The following AASDH variants were observed in gnomAD, a reference collection of about 807,000 sequenced individuals.
AASDH encodes the protein aminoadipate-semialdehyde dehydrogenase, also known as beta-alanine-activating enzyme.
In AASDH, 81 loss-of-function variants were observed where a neutral mutation model predicts 102.3. The ratio of observed to expected loss-of-function variants is 0.79; its 90% CI spans 0.66 to 0.95. The LOEUF is 0.95. Among genes scored for constraint, AASDH ranks in the 40% least tolerant of loss-of-function variants. The pLI, the probability that AASDH is intolerant of heterozygous loss-of-function variation, is 0.00. For synonymous variants in AASDH, 398 were observed against 454.0 expected (o/e 0.88, Z 1.57); for missense variants, 1,203 against 1,266.2 (o/e 0.95, Z 0.76).
At chr4:56,379,156 G>A (rs905487591) in intron 3 of AASDH, among the ~76,000 whole-genome samples, 1 of 152,066 alleles carries the variant, frequency 6.6e-6, no homozygotes, top group African/African-American at 2.4e-5. Flanking sequence ...CAAAGTGCTG[G>A]GATTACAGGC....
intron 5 of AASDH, among the ~76,000 whole-genome samples, chr4:56,362,690 T>A (rs1750451886): frequency 1.3e-5 from 2 of 152,138 alleles, no homozygotes; most frequent in East Asian, 1.9e-4. Context: ...AAAGCAAAAA[T>A]CCTTGATGAC....
chr4:56,382,445 A>T (rs1190164354), intron 3 of AASDH, 32 bp downstream of exon 3: 4 of 1,505,428 alleles, frequency 2.7e-6, no homozygotes. Flanking sequence ...AATGTAATAC[A>T]GGCAAAAAAC....
intron 14 of AASDH, among the ~76,000 whole-genome samples, chr4:56,339,967 G>A (rs974928648): frequency 3.3e-5 from 5 of 150,084 alleles, no homozygotes; most frequent in African/African-American, 4.9e-5. Flanking sequence ...TCAGGAGTTC[G>A]AGACCAGCCT....
At chr4:56,350,842 C>G (rs940370110) in intron 10 of AASDH, among the ~76,000 whole-genome samples, 2 of 151,986 alleles carry the variant, frequency 1.3e-5, no homozygotes, top group Non-Finnish European at 2.9e-5. Flanking sequence ...TTTTCAGAAC[C>G]CTTTAAAAAA....
At chr4:56,360,211 A>G (rs1009769847) in intron 5 of AASDH, among the ~76,000 whole-genome samples, 1 of 152,134 alleles carries the variant, frequency 6.6e-6, no homozygotes, top group Non-Finnish European at 1.5e-5. Flanking sequence ...ACACAGCCTC[A>G]GGTTCAGTCA....
intron 5 of AASDH, among the ~76,000 whole-genome samples, chr4:56,366,097 T>G (rs1193105262): frequency 2.0e-5 from 3 of 152,116 alleles, no homozygotes; most frequent in African/African-American, 7.2e-5. Context: ...AACACCTCTA[T>G]GCAAATAAAC....
At chr4:56,354,654 C>T in intron 7 of AASDH, 51 bp downstream of exon 7, 1 of 1,301,726 alleles carries the variant, frequency 7.7e-7, no homozygotes, top group African/African-American at 1.5e-5. Flanking sequence ...ATTAACACAT[C>T]AGATCATTTT....
At chr4:56,361,322 T>C (rs1358822423) in intron 5 of AASDH, among the ~76,000 whole-genome samples, 1 of 151,950 alleles carries the variant, frequency 6.6e-6, no homozygotes. Context: ...GGCATGAGAA[T>C]CACTTGAACC....
chr4:56,351,712 G>A (rs1436790780), intron 9 of AASDH, among the ~76,000 whole-genome samples: 12 of 151,874 alleles, frequency 7.9e-5, no homozygotes, highest in East Asian at 1.9e-4. Context: ...TGGGAGGATC[G>A]CTTGAGGCTA....
chr4:56,374,117 C>T (rs1052080827), intron 4 of AASDH, among the ~76,000 whole-genome samples: 4 of 152,054 alleles, frequency 2.6e-5, no homozygotes, highest in South Asian at 4.2e-4. Flanking sequence ...CGGTGGCTCA[C>T]GCTTGTAATC....
intron 14 of AASDH, among the ~76,000 whole-genome samples, chr4:56,339,621 C>T (rs866542186): frequency 2.2e-4 from 33 of 151,066 alleles, no homozygotes; most frequent in Middle Eastern, 7.0e-3. Context: ...TGTGGTGGCA[C>T]ACACCTACAG....
rs1318316507 is a variant in AASDH at position 56,338,448 on chromosome 4, T to G, written c.3251A>C (p.Asp1084Ala). The change falls in exon 15 of 15, where the codon GAT becomes GCT. Residue 1084 changes from aspartate to alanine, a missense_variant. By Grantham distance (126) the Asp-to-Ala change is moderately radical. Coordinates refer to ENST00000205214, the MANE Select transcript of AASDH (RefSeq NM_181806.4). ...TAAATCCAGACAATAAACATAATTA[T>G]CTCTACACCCAATAATGAGCATTGA... Reference protein sequence around the residue: ...LESMLIIGCRDNYVYCLDLLG... With the variant: ...LESMLIIGCRANYVYCLDLLG... 1.2e-6 allele frequency: 2 copies of G among 1,613,908 alleles called. No homozygotes were observed. Among genetic ancestry groups the G allele is most frequent in the African/African-American group, 1.3e-5 (1 of 74,904 alleles).
At chr4:56,382,974 T>C (rs548619285) in intron 2 of AASDH, among the ~76,000 whole-genome samples, 116 of 152,330 alleles carry the variant, frequency 7.6e-4, no homozygotes, top group African/African-American at 2.7e-3. Flanking sequence ...GGAGAATTGC[T>C]TGAACCCGGG....
Position 56,354,714 on chromosome 4 carries a change from C to T in AASDH, c.1201G>A (p.Val401Ile). 2 of 1,593,962 alleles carry T rather than the reference C, an allele frequency of 1.3e-6. No homozygotes were observed. The highest frequency in any genetic ancestry group is 1.7e-6 in the Non-Finnish European group (2 of 1,171,902). Reference sequence around the variant, plus strand: ...ACAAATATAAAACAACCTAAAAATACTTGGCCACTGCCTTCCTGAATTGTG... The same window carrying T: ...ACAAATATAAAACAACCTAAAAATATTTGGCCACTGCCTTCCTGAATTGTG... ...GFTIQEGSGQ[V>I]FLGGRNRVCF... The change falls in exon 7 of 15, where the codon GTA becomes ATA. Residue 401 changes from valine to isoleucine, a missense_variant. Transcript: ENST00000205214.
chr4:56,344,729 T>C (rs1207068605), intron 12 of AASDH, among the ~76,000 whole-genome samples: 1 of 152,094 alleles, frequency 6.6e-6, no homozygotes. Flanking sequence ...AGCACACTTA[T>C]TTGTGGTAAA....
At chr4:56,369,487 G>A (rs1751441390) in intron 5 of AASDH, among the ~76,000 whole-genome samples, 1 of 152,056 alleles carries the variant, frequency 6.6e-6, no homozygotes, top group South Asian at 2.1e-4. Context: ...TGCTACACTC[G>A]GTTCATATAT....
chr4:56,358,817 T>TA (rs1749931232), intron 5 of AASDH, among the ~76,000 whole-genome samples: 2 of 152,172 alleles, frequency 1.3e-5, no homozygotes, highest in South Asian at 4.1e-4. Context: ...GAGTGTTCCA[T>TA]ATATGGCATT....
Position 56,384,164 on chromosome 4 carries a change from A to G in AASDH, c.136T>C (p.Ser46Pro), listed in dbSNP as rs1365576577. 2 of 1,614,188 alleles carry G rather than the reference A, an allele frequency of 1.2e-6. No individual in the cohort carries two copies. Among genetic ancestry groups the G allele is most frequent in the South Asian group, 1.1e-5 (1 of 91,084 alleles). The change falls in exon 2 of 15, where the codon TCA (serine) becomes CCA (proline). Residue 46 changes from serine (S) to proline (P), a missense_variant. By Grantham distance (74) the Ser-to-Pro change is moderately conservative (BLOSUM62 -1). Coordinates refer to ENST00000205214, the MANE Select transcript of AASDH (RefSeq NM_181806.4). ...TCACAGTGTAACAGCAGAAAATTTG[A>G]TAATTCAGAAGCAGCATTAACCACA... ...KTVVNAASEL[S>P]NFLLLHCDFQ...
At chr4:56,364,574 A>G (rs1750752239) in intron 5 of AASDH, among the ~76,000 whole-genome samples, 1 of 152,240 alleles carries the variant, frequency 6.6e-6, no homozygotes, top group Non-Finnish European at 1.5e-5. Flanking sequence ...CAACATTCTT[A>G]AAGAAAAGAA....
Sources: allele counts gnomAD v4.1 joint callset (sites outside exome capture counted in the v4.1 genomes callset), GRCh38; gene constraint gnomAD v4.1.1; transcripts MANE v1.5; gene names NCBI Gene and HGNC (gene_info 2026-07-23, HGNC 2026-07-21).